Variants in DMXL1 observed in about 807,000 individuals in gnomAD.
DMXL1 encodes the protein dmX-like protein 1.
DMXL1 carries 99 observed loss-of-function variants against 319.2 expected under a neutral mutation model. That is an observed-to-expected ratio of 0.31 (90% confidence interval 0.26 to 0.37). DMXL1 has a LOEUF of 0.37. Among genes scored for constraint, DMXL1 ranks in the 10% least tolerant of loss-of-function variants. The pLI, the probability that DMXL1 is intolerant of heterozygous loss-of-function variation, is 1.00. For missense variants in DMXL1, 3,745 were observed against 3,595.6 expected, an observed-to-expected ratio of 1.04 and a Z score of -1.06; for synonymous variants, 1,385 against 1,235.2, an observed-to-expected ratio of 1.12 and a Z score of -2.54.
intron 1 of DMXL1, among the ~76,000 whole-genome samples, chr5:119,087,768 G>T (rs1047399806): frequency 6.6e-6 from 1 of 151,850 alleles, no homozygotes; most frequent in African/African-American, 2.4e-5. Flanking sequence ...TTATTGTATT[G>T]CATTCTATTT....
At position 119,220,508 on chromosome 5, in the gene DMXL1, G is replaced by A; in HGVS notation, c.8050G>A (p.Asp2684Asn). Reference sequence around the variant, plus strand: ...CTGCATAGCAATCGCTTCCAGTCATGATGTTCAAGAACTGGATGTTTCTGG... The same window carrying A: ...CTGCATAGCAATCGCTTCCAGTCATAATGTTCAAGAACTGGATGTTTCTGG... ...RNCIAIASSH[D>N]VQELDVSGIL... Residue 2684 changes from aspartate to asparagine, a missense_variant, in exon 36 of 44, where the codon GAT (aspartate) becomes AAT (asparagine). Asp to Asn is a conservative substitution (Grantham distance 23). Transcript: ENST00000539542. 6.2e-7 allele frequency: 1 copy of A among 1,613,604 alleles called. No individual in the cohort carries two copies. Among genetic ancestry groups the A allele is most frequent in the Non-Finnish European group, 8.5e-7 (1 of 1,179,630 alleles).
At position 119,143,968 on chromosome 5, in the gene DMXL1, A is replaced by T. The variant is rs778552367; in HGVS notation, c.2466+38A>T. On this transcript the variant is annotated intron_variant, in intron 14 of 43. Transcript: ENST00000539542. ...TTTGGGGGGGAGGTATATTAAAAAA[A>T]AGTTTATGAAAGCATTTTGCATAAA... 4 of 1,265,970 alleles carry T rather than the reference A, an allele frequency of 3.2e-6. No individual in the cohort carries two copies. The South Asian group carries it at 5.5e-5, about 18-fold the overall frequency. 78.4% of individuals were successfully genotyped at this position (1,265,970 alleles called of 1,614,324 possible).
chr5:119,134,694 A>C lies in DMXL1; in HGVS notation c.2376+305A>C, dbSNP rs147341513. On this transcript the variant is annotated intron_variant, in intron 13 of 43. Coordinates refer to ENST00000539542, the MANE Select transcript of DMXL1 (RefSeq NM_001290321.3). ...GTAGAAGTTATATCGGCCCCCCTGCAATTATTTTATAGGCAGGAGGAGCTG... is the reference window on the plus strand; with the variant it reads ...GTAGAAGTTATATCGGCCCCCCTGCCATTATTTTATAGGCAGGAGGAGCTG... Among the ~76,000 whole-genome samples the C allele has an allele frequency of 4.3e-4, 65 of 152,334 alleles. 1 individual carries two copies. Among genetic ancestry groups the C allele is most frequent in the African/African-American group, 1.5e-3 (63 of 41,574 alleles).
In DMXL1 at chr5:119,165,286, TA is replaced by T. The variant is rs11301800; in HGVS notation, c.4970+24del. 0.26 allele frequency: 229,073 copies of T among 878,222 alleles called. 4,398 individuals are homozygous for T. The highest frequency in any genetic ancestry group is 0.35 in the East Asian group (12,705 of 36,382). The allele number at this position is 878,222 out of a possible 1,614,324, so 54.4% of individuals were successfully genotyped here. A position where few individuals can be genotyped will look rare whatever the true frequency, so the allele number is the denominator to read the frequency against. On this transcript the variant is annotated splice_region_variant and intron_variant, in intron 21 of 43. Transcript: ENST00000539542. Reference sequence around the variant, plus strand: ...GTGATTTGGGGATTATATAGGTAGGTAAAAAAAAAAAAAAAAAAGGGTGCTT... The same window carrying T: ...GTGATTTGGGGATTATATAGGTAGGTAAAAAAAAAAAAAAAAAGGGTGCTT...
At chr5:119,173,744 ATATGTGTGTGTATATATATATATG>A (rs1561795174) in intron 25 of DMXL1, among the ~76,000 whole-genome samples, 5 of 119,762 alleles carry the variant, frequency 4.2e-5, no homozygotes, top group Non-Finnish European at 6.7e-5. Flanking sequence ...GTGTATATAT[ATATGTGTGTGTATATATATATATG>A]TGTGTGTGTA....
intron 21 of DMXL1, among the ~76,000 whole-genome samples, chr5:119,166,227 G>T (rs1561774002): frequency 6.6e-6 from 1 of 152,168 alleles, no homozygotes; most frequent in Non-Finnish European, 1.5e-5. Flanking sequence ...ATGATTTACG[G>T]TTGTTTTGAT....
At chr5:119,082,459 A>G (rs898928430) in intron 1 of DMXL1, among the ~76,000 whole-genome samples, 2 of 152,050 alleles carry the variant, frequency 1.3e-5, no homozygotes, top group African/African-American at 4.8e-5. Context: ...AATTTTTTGT[A>G]GAGTGGGGTC....
At chr5:119,203,028 T>TA (rs1481035642) in intron 32 of DMXL1, among the ~76,000 whole-genome samples, 3 of 151,472 alleles carry the variant, frequency 2.0e-5, no homozygotes, top group Admixed American at 6.6e-5. Flanking sequence ...TCTGAAAACA[T>TA]ATGAAATTCA....
Position 119,181,471 on chromosome 5 carries a change from A to G in DMXL1, c.7135+3227A>G, listed in dbSNP as rs142171238. 6.2e-4 allele frequency among the ~76,000 whole-genome samples: 95 copies of G among 152,314 alleles called. No individual in the cohort carries two copies. In the East Asian group the frequency reaches 0.017, roughly 27 times the overall value. On this transcript the variant is annotated intron_variant, in intron 28 of 43. Transcript: ENST00000539542. ...TTGCTAACCAGAAAAAAAGGAATATATTCACTGAATGATGAAAACTAAAGG... is the reference window on the plus strand; with the variant it reads ...TTGCTAACCAGAAAAAAAGGAATATGTTCACTGAATGATGAAAACTAAAGG...
At chr5:119,124,138 G>T (rs1316291572) in intron 9 of DMXL1, among the ~76,000 whole-genome samples, 2 of 150,900 alleles carry the variant, frequency 1.3e-5, no homozygotes, top group African/African-American at 4.9e-5. Context: ...GTAAAACCCC[G>T]TCTCTACCAA....
At position 119,171,234 on chromosome 5, in the gene DMXL1, C is replaced by G; in HGVS notation, c.6443C>G (p.Ala2148Gly). The change falls in exon 24 of 44, where the codon GCA (alanine) becomes GGA (glycine). Residue 2148 changes from alanine to glycine, a missense_variant. Around this residue, in one of 4 missense-constraint regions of DMXL1, gnomAD observed 1,382 missense variants for 1,269.5 expected, o/e 1.09. Coordinates refer to ENST00000539542, the MANE Select transcript of DMXL1 (RefSeq NM_001290321.3). ...CATGGATCCCATGGTGGGGGTCTTGCATCTGTAAGAATGGAATTGATTTTG... is the reference window on the plus strand; with the variant it reads ...CATGGATCCCATGGTGGGGGTCTTGGATCTGTAAGAATGGAATTGATTTTG... ...ILHGSHGGGLASVRMELILLL... is the reference protein window; with the variant it reads ...ILHGSHGGGLGSVRMELILLL... 2.5e-6 allele frequency: 4 copies of G among 1,609,494 alleles called. No homozygotes were observed. Among genetic ancestry groups the G allele is most frequent in the South Asian group, 1.1e-5 (1 of 90,314 alleles).
rs1217388632 is a variant in DMXL1 at position 119,118,909 on chromosome 5, G to A, written c.838G>A (p.Gly280Arg). The A allele has an allele frequency of 2.5e-6, 4 of 1,613,608 alleles. No individual in the cohort carries two copies. The highest frequency in any genetic ancestry group is 3.4e-6 in the Non-Finnish European group (4 of 1,179,800). Residue 280 changes from glycine to arginine, a missense_variant, in exon 8 of 44, where the codon GGA (glycine) becomes AGA (arginine). Gly to Arg is a moderately radical substitution (Grantham distance 125). This residue lies in a region of DMXL1 where 2,096 missense variants were observed against 1,985.4 expected (regional missense o/e 1.06). Coordinates refer to ENST00000539542, the MANE Select transcript of DMXL1 (RefSeq NM_001290321.3). ...TFLPNDCLLY[G>R]GDCSHWTESI... The stretch of plus-strand genomic sequence containing the variant: ...TTTACCAAATGATTGTTTGCTATAC[G>A]GAGGTGACTGCAGCCATTGGACTGA...
At chr5:119,174,047 T>A (rs1775292708) in intron 25 of DMXL1, among the ~76,000 whole-genome samples, 2 of 151,820 alleles carry the variant, frequency 1.3e-5, no homozygotes, top group South Asian at 4.2e-4. Context: ...CCCAGCTCAG[T>A]GCAGTTAGAT....
At chr5:119,192,043 G>C (rs1452997417) in intron 29 of DMXL1, among the ~76,000 whole-genome samples, 2 of 152,174 alleles carry the variant, frequency 1.3e-5, no homozygotes, top group South Asian at 2.1e-4. Flanking sequence ...TCTCCCTGCT[G>C]TGTTTCTTTG....
chr5:119,121,697 G>T (rs1025293563), intron 9 of DMXL1, among the ~76,000 whole-genome samples: 1 of 152,172 alleles, frequency 6.6e-6, no homozygotes, highest in South Asian at 2.1e-4. Flanking sequence ...ACACAGACAC[G>T]GCAACCATCC....
intron 33 of DMXL1, among the ~76,000 whole-genome samples, chr5:119,204,558 G>GTT (rs746507917): frequency 1.1e-4 from 15 of 137,618 alleles, no homozygotes; most frequent in African/African-American, 3.2e-4. Flanking sequence ...ATCATAATGG[G>GTT]TTTTTTTTTT....
Position 119,216,959 on chromosome 5 carries a change from A to G in DMXL1, c.7985A>G (p.Asp2662Gly). Residue 2662 changes from aspartate (D) to glycine (G), a missense_variant, in exon 35 of 44, where the codon GAT becomes GGT. By Grantham distance (94) the Asp-to-Gly change is moderately conservative (BLOSUM62 -1). Around this residue, in one of 4 missense-constraint regions of DMXL1, gnomAD observed 1,382 missense variants for 1,269.5 expected, o/e 1.09. Coordinates refer to ENST00000539542, the MANE Select transcript of DMXL1 (RefSeq NM_001290321.3). ...GCAAGAATTATTCATAAGGAATCTG[A>G]TATCATTACTGCGTTTGCTGTTAAT... ...GKARIIHKES[D>G]IITAFAVNKA... 1 of 1,598,358 alleles carries G rather than the reference A, an allele frequency of 6.3e-7. No homozygotes were observed. The highest frequency in any genetic ancestry group is 8.5e-7 in the Non-Finnish European group (1 of 1,171,610).
At chr5:119,089,605 C>T (rs1449260406) in intron 1 of DMXL1, among the ~76,000 whole-genome samples, 7 of 143,466 alleles carry the variant, frequency 4.9e-5, no homozygotes, top group East Asian at 2.1e-4. Flanking sequence ...TTGTGCACAG[C>T]GACTTCATTT....
At chr5:119,164,321 T>C (rs1772950609) in intron 19 of DMXL1, among the ~76,000 whole-genome samples, 186 bp from the exon 20 acceptor site, 1 of 152,192 alleles carries the variant, frequency 6.6e-6, no homozygotes, top group Non-Finnish European at 1.5e-5. Context: ...AAAACATATA[T>C]GTGCTCATTG....
Sources: allele counts gnomAD v4.1 joint callset (sites outside exome capture counted in the v4.1 genomes callset), GRCh38; gene constraint gnomAD v4.1.1; regional missense constraint gnomAD v4.1.1; transcripts MANE v1.5; gene names NCBI Gene and HGNC (gene_info 2026-07-23, HGNC 2026-07-21).